CCSER1: variants seen among roughly 807,000 people sequenced by gnomAD.
CCSER1 encodes serine-rich coiled-coil domain-containing protein 1.
CCSER1 carries 41 observed loss-of-function variants against 82.0 expected under a neutral mutation model. That is an observed-to-expected ratio of 0.50 (90% CI 0.39 to 0.65). The LOEUF is 0.65. Ranked by LOEUF, CCSER1 falls within the 30% of genes least tolerant of loss-of-function variation. CCSER1 has a pLI of 0.00. For synonymous variants in CCSER1, 414 were observed against 383.9 expected, an observed-to-expected ratio of 1.08 and a Z score of -0.92; for missense variants, 1,119 against 1,064.2, an observed-to-expected ratio of 1.05 and a Z score of -0.72.
chr4:90,576,729 A>G (rs1780818161), intron 5 of CCSER1, among the ~76,000 whole-genome samples: 1 of 152,138 alleles, frequency 6.6e-6, no homozygotes, highest in African/African-American at 2.4e-5. Flanking sequence ...ATACAATTTT[A>G]TTGTCTAGAT....
At chr4:90,480,347 G>A (rs1303098179) in intron 5 of CCSER1, among the ~76,000 whole-genome samples, 1 of 151,950 alleles carries the variant, frequency 6.6e-6, no homozygotes. Context: ...TTCTGACGGT[G>A]GTTTCTTTTG....
chr4:91,145,961 A>G (rs890135050), intron 10 of CCSER1, among the ~76,000 whole-genome samples: 2 of 152,084 alleles, frequency 1.3e-5, no homozygotes, highest in African/African-American at 4.8e-5. Context: ...ATATCTTGCA[A>G]ATATTCTCTG....
chr4:91,542,232 A>C (rs1405734837), intron 10 of CCSER1, among the ~76,000 whole-genome samples: 1 of 152,118 alleles, frequency 6.6e-6, no homozygotes, highest in East Asian at 1.9e-4. Context: ...CTTTAGTTTA[A>C]TTAGATCTCA....
chr4:91,433,932 G>A (rs958355896), intron 10 of CCSER1, among the ~76,000 whole-genome samples: 5 of 152,180 alleles, frequency 3.3e-5, no homozygotes. Context: ...AAGTCTACCT[G>A]GAAAGACACA....
intron 10 of CCSER1, among the ~76,000 whole-genome samples, chr4:91,188,255 C>T (rs1242118642): frequency 6.6e-6 from 1 of 152,092 alleles, no homozygotes; most frequent in Admixed American, 6.5e-5. Flanking sequence ...TTACCAATGT[C>T]TATTCTCTTC....
At chr4:90,918,208 T>G (rs1019459353) in intron 8 of CCSER1, 6 of 454,464 alleles carry the variant, frequency 1.3e-5, no homozygotes, top group African/African-American at 1.2e-4. Context: ...AATTAATGTG[T>G]GTACATTTCT....
intron 5 of CCSER1, among the ~76,000 whole-genome samples, chr4:90,511,711 A>G (rs2153617739): frequency 6.6e-6 from 1 of 152,322 alleles, no homozygotes; most frequent in East Asian, 1.9e-4. Context: ...GAGAAAGCAG[A>G]GTATGTGCTT....
chr4:90,862,621 C>T (rs1317688928), intron 8 of CCSER1, among the ~76,000 whole-genome samples: 1 of 151,794 alleles, frequency 6.6e-6, no homozygotes, highest in Admixed American at 6.6e-5. Context: ...CACATTAGTC[C>T]AGCAATTCAA....
At chr4:91,146,027 A>C (rs757261132) in intron 10 of CCSER1, among the ~76,000 whole-genome samples, 1 of 152,136 alleles carries the variant, frequency 6.6e-6, no homozygotes, top group Non-Finnish European at 1.5e-5. Flanking sequence ...CAAGTGGCCT[A>C]CTACTCTCTC....
chr4:90,950,505 T>A (rs1732780399), intron 9 of CCSER1, among the ~76,000 whole-genome samples: 1 of 151,264 alleles, frequency 6.6e-6, no homozygotes, highest in South Asian at 2.1e-4. Context: ...AACATACACA[T>A]ACACACACAC....
At chr4:90,209,855 A>G (rs1739623350) in intron 1 of CCSER1, among the ~76,000 whole-genome samples, 1 of 152,024 alleles carries the variant, frequency 6.6e-6, no homozygotes, top group Admixed American at 6.5e-5. Flanking sequence ...TCATTGTTAA[A>G]GGACTGTCCT....
chr4:90,513,485 G>C (rs1053959646), intron 5 of CCSER1, among the ~76,000 whole-genome samples: 1 of 152,136 alleles, frequency 6.6e-6, no homozygotes, highest in Admixed American at 6.5e-5. Context: ...ATGAAAACAA[G>C]ATCCAAATTT....
intron 8 of CCSER1, among the ~76,000 whole-genome samples, chr4:90,861,561 G>A (rs535156368): frequency 2.6e-4 from 39 of 151,764 alleles, no homozygotes; most frequent in South Asian, 1.2e-3. Context: ...AGAAAAGGCC[G>A]TTGATTACTT....
chr4:91,384,173 C>T (rs1751119916), intron 10 of CCSER1, among the ~76,000 whole-genome samples: 1 of 152,004 alleles, frequency 6.6e-6, no homozygotes, highest in African/African-American at 2.4e-5. Flanking sequence ...CAATGAGTCA[C>T]TGTAAATGAA....
intron 1 of CCSER1, among the ~76,000 whole-genome samples, chr4:90,203,356 C>T (rs1027054651): frequency 6.6e-6 from 1 of 152,156 alleles, no homozygotes; most frequent in South Asian, 2.1e-4. Flanking sequence ...TAGCTCCCCA[C>T]CACCAACAGA....
intron 5 of CCSER1, among the ~76,000 whole-genome samples, chr4:90,474,683 T>C (rs1323611361): frequency 1.3e-5 from 2 of 152,176 alleles, no homozygotes; most frequent in African/African-American, 4.8e-5. Flanking sequence ...AGCACATTAG[T>C]AAATGGAGGA....
At chr4:90,572,666 G>T (rs1780254934) in intron 5 of CCSER1, among the ~76,000 whole-genome samples, 1 of 150,800 alleles carries the variant, frequency 6.6e-6, no homozygotes, top group African/African-American at 2.4e-5. Flanking sequence ...TTCTTCTCTG[G>T]GATTTCTGTT....
At chr4:90,503,721 G>A (rs566294902) in intron 5 of CCSER1, among the ~76,000 whole-genome samples, 101 of 152,196 alleles carry the variant, frequency 6.6e-4, no homozygotes, top group African/African-American at 2.4e-3. Context: ...CTTCATCCAT[G>A]TCCCTACAAA....
chr4:91,354,779 T>C (rs1748711189), intron 10 of CCSER1, among the ~76,000 whole-genome samples: 2 of 152,342 alleles, frequency 1.3e-5, no homozygotes, highest in African/African-American at 4.8e-5. Flanking sequence ...TTACAGTTTT[T>C]CCACAAACAT....
Sources: allele counts gnomAD v4.1 joint callset (sites outside exome capture counted in the v4.1 genomes callset), GRCh38; gene constraint gnomAD v4.1.1; transcripts MANE v1.5; gene names NCBI Gene and HGNC (gene_info 2026-07-23, HGNC 2026-07-21).